Variants in KIZ observed in about 807,000 individuals in gnomAD.
KIZ encodes kizuna centrosomal protein, also known as centrosomal protein kizuna.
In KIZ, 68 loss-of-function variants were observed where a neutral mutation model predicts 79.6. The observed-to-expected ratio is 0.85, with a 90% CI of 0.70 to 1.05. KIZ has a LOEUF of 1.05. Ranked by LOEUF, KIZ falls within the 50% of genes least tolerant of loss-of-function variation. The pLI is 0.00. For synonymous variants in KIZ, 280 were observed against 281.8 expected (o/e 0.99, Z 0.06); for missense variants, 797 against 800.4 (o/e 1.00, Z 0.05).
intron 12 of KIZ, 143 bp downstream of exon 12, chr20:21,244,431 G>A: frequency 1.5e-6 from 1 of 649,742 alleles, no homozygotes; most frequent in South Asian, 1.9e-5. Flanking sequence ...TCCCTGGGGT[G>A]GAACCTGAGG....
At chr20:21,195,248 C>A (rs1475461404) in intron 6 of KIZ, 1 of 152,194 alleles carries the variant, frequency 6.6e-6, no homozygotes, top group Non-Finnish European at 1.5e-5. Context: ...CCTGGCAGGA[C>A]AATCAAGCAT....
Position 21,232,797 on chromosome 20 carries a change from GT to G in KIZ, c.1852del (p.Ser618HisfsTer18). On this transcript the variant is annotated frameshift_variant, in exon 11 of 13. Transcript: ENST00000619189. LOFTEE classifies it high-confidence loss of function. The part of the protein sequence containing the change: ...KTANKIASEA[S>X]FSSSEGSPLS... ...GCTAACAAAATTGCTTCGGAAGCTA[GT>G]TTTTCATCTAGTGAAGGAAGTCCTT... 2 of 1,581,034 alleles carry G rather than the reference GT, an allele frequency of 1.3e-6. No homozygotes were observed. Among genetic ancestry groups the G allele is most frequent in the Non-Finnish European group, 1.7e-6 (2 of 1,156,796 alleles).
intron 7 of KIZ, among the ~76,000 whole-genome samples, chr20:21,207,974 C>G (rs1055261526): frequency 6.6e-6 from 1 of 152,110 alleles, no homozygotes; most frequent in African/African-American, 2.4e-5. Context: ...ATCAGCCTCC[C>G]AAAGTTCTGG....
chr20:21,182,182 G>A (rs927580078), intron 6 of KIZ, among the ~76,000 whole-genome samples: 4 of 152,130 alleles, frequency 2.6e-5, no homozygotes, highest in African/African-American at 9.7e-5. Flanking sequence ...CAGGAAGGTA[G>A]GGCTGTCATG....
intron 4 of KIZ, among the ~76,000 whole-genome samples, chr20:21,146,473 T>C (rs1446708995): frequency 2.6e-5 from 4 of 152,264 alleles, no homozygotes; most frequent in Non-Finnish European, 5.9e-5. Context: ...TCATATTTAA[T>C]GCTTTCCTTG....
Position 21,162,005 on chromosome 20 carries a change from C to G in KIZ, c.540C>G (p.Pro180=). The change falls in exon 5 of 13, where the codon CCC becomes CCG. Residue 180 remains proline, a synonymous_variant. Transcript: ENST00000619189. The part of the protein sequence containing the change: ...MRDFSTEHKS[P]QPTKNFSIPD... Reference sequence around the variant, plus strand: ...ATTTCAGTACAGAGCACAAATCTCCCCAGCCCACAAAGAACTTTTCAATTC... The same window carrying G: ...ATTTCAGTACAGAGCACAAATCTCCGCAGCCCACAAAGAACTTTTCAATTC... The G allele has an allele frequency of 6.2e-7, 1 of 1,613,936 alleles. No homozygotes were observed. Among genetic ancestry groups the G allele is most frequent in the Admixed American group, 1.7e-5 (1 of 60,012 alleles).
chr20:21,235,846 C>T (rs1211612582), intron 11 of KIZ, among the ~76,000 whole-genome samples: 4 of 152,228 alleles, frequency 2.6e-5, no homozygotes, highest in African/African-American at 7.2e-5. Context: ...CAGTGGAGGG[C>T]GCCAGCCTGC....
intron 4 of KIZ, among the ~76,000 whole-genome samples, chr20:21,146,192 G>A (rs1032803896): frequency 2.6e-5 from 4 of 152,158 alleles, no homozygotes; most frequent in Non-Finnish European, 5.9e-5. Context: ...GTTCAAGACC[G>A]TAGATGTTTT....
chr20:21,143,260 C>T (rs1156589888), intron 3 of KIZ, among the ~76,000 whole-genome samples: 1 of 151,450 alleles, frequency 6.6e-6, no homozygotes, highest in Non-Finnish European at 1.5e-5. Flanking sequence ...TTTTAAACGT[C>T]GATTCAGTTC....
At chr20:21,196,751 G>C (rs1271733110) in intron 6 of KIZ, 2 of 152,272 alleles carry the variant, frequency 1.3e-5, no homozygotes, top group East Asian at 1.9e-4. Flanking sequence ...CAAGGAGCTG[G>C]AGCACCAACA....
At chr20:21,235,974 T>C (rs2036992529) in intron 11 of KIZ, among the ~76,000 whole-genome samples, 1 of 152,238 alleles carries the variant, frequency 6.6e-6, no homozygotes, top group Non-Finnish European at 1.5e-5. Flanking sequence ...AAATGAGTTT[T>C]TCCTGAAAGT....
At chr20:21,133,330 T>C (rs2031969429) in intron 2 of KIZ, among the ~76,000 whole-genome samples, 1 of 152,216 alleles carries the variant, frequency 6.6e-6, no homozygotes, top group Non-Finnish European at 1.5e-5. Context: ...TCAGTTGTTT[T>C]GTGTGTGGAA....
chr20:21,215,681 C>G (rs764894216), intron 9 of KIZ, 33 bp downstream of exon 9: 1 of 1,405,092 alleles, frequency 7.1e-7, no homozygotes, highest in Non-Finnish European at 1.0e-6. Context: ...GTTTCAGACA[C>G]AAGATTTAGC....
At chr20:21,164,000 G>C (rs1227784260) in intron 6 of KIZ, among the ~76,000 whole-genome samples, 1 of 152,114 alleles carries the variant, frequency 6.6e-6, no homozygotes, top group Admixed American at 6.5e-5. Context: ...ACGAAGGCCG[G>C]GGCAGAGTGG....
At chr20:21,200,707 T>C (rs933768913) in intron 6 of KIZ, among the ~76,000 whole-genome samples, 2 of 152,124 alleles carry the variant, frequency 1.3e-5, no homozygotes, top group Non-Finnish European at 2.9e-5. Flanking sequence ...ACCTCCTGCT[T>C]TGTGGCCCAG....
Position 21,126,220 on chromosome 20 carries a change from CG to C in KIZ, c.89+21del. Reference sequence around the variant, plus strand: ...TGCGGGACAGGTAAGGGCACTGGGGCGGGGGTGGGGAGTCGGCCCGCGCCGG... The same window carrying C: ...TGCGGGACAGGTAAGGGCACTGGGGCGGGGTGGGGAGTCGGCCCGCGCCGG... On this transcript the variant is annotated intron_variant, in intron 1 of 12. Transcript: ENST00000619189. 2 of 1,286,264 alleles carry C rather than the reference CG, an allele frequency of 1.6e-6. No individual in the cohort carries two copies. The highest frequency in any genetic ancestry group is 1.5e-5 in the South Asian group (1 of 66,196). The allele number at this position is 1,286,264 out of a possible 1,614,324, so 79.7% of individuals were successfully genotyped here.
chr20:21,242,456 G>C (rs2037249754), intron 11 of KIZ, among the ~76,000 whole-genome samples: 1 of 152,036 alleles, frequency 6.6e-6, no homozygotes, highest in African/African-American at 2.4e-5. Context: ...CCAGTTAGGA[G>C]GTTGTTGCAG....
chr20:21,217,411 G>A (rs1014622277), intron 9 of KIZ, among the ~76,000 whole-genome samples: 8 of 152,222 alleles, frequency 5.3e-5, no homozygotes, highest in African/African-American at 1.9e-4. Context: ...AAGCAAGTAT[G>A]TAGTTTAATT....
intron 6 of KIZ, among the ~76,000 whole-genome samples, chr20:21,169,913 T>G (rs905473378): frequency 2.6e-5 from 4 of 152,360 alleles, no homozygotes; most frequent in African/African-American, 7.2e-5. Flanking sequence ...CTTATTTATT[T>G]TTAGCACTGA....
Sources: allele counts gnomAD v4.1 joint callset (sites outside exome capture counted in the v4.1 genomes callset), GRCh38; gene constraint gnomAD v4.1.1; transcripts MANE v1.5; gene names NCBI Gene and HGNC (gene_info 2026-07-23, HGNC 2026-07-21).